The following AHI1 variants were observed in gnomAD, a reference collection of about 807,000 sequenced individuals.
AHI1 encodes the protein Abelson helper integration site 1, also known as jouberin.
A neutral mutation model predicts 149.3 loss-of-function variants in AHI1; 123 were observed. That is an observed-to-expected ratio of 0.82 (90% CI 0.71 to 0.96). The LOEUF (loss-of-function observed/expected upper bound fraction) is 0.96, where lower values mean the gene tolerates loss of function less well. AHI1 is among the 40% of genes least tolerant of loss of function. The pLI is 0.00. For synonymous variants in AHI1, 475 were observed against 459.8 expected (o/e 1.03, Z -0.42); for missense variants, 1,439 against 1,422.7 (o/e 1.01, Z -0.18).
chr6:135,487,891 T>C (rs2128130945), intron 5 of AHI1, among the ~76,000 whole-genome samples: 1 of 152,236 alleles, frequency 6.6e-6, no homozygotes, highest in Non-Finnish European at 1.5e-5. Context: ...ACATCTTTAA[T>C]AAATCTTAAA....
chr6:135,476,670 T>C (rs12206850), intron 5 of AHI1, among the ~76,000 whole-genome samples: 41,228 of 152,028 alleles, frequency 0.27, 6,734 homozygotes, highest in South Asian at 0.42. Flanking sequence ...ATGAGTTTCA[T>C]ACACAGTCAG....
chr6:135,354,931 T>C (rs754958617), intron 24 of AHI1, among the ~76,000 whole-genome samples: 11 of 152,114 alleles, frequency 7.2e-5, no homozygotes, highest in Non-Finnish European at 1.3e-4. Context: ...GCAGGCCACA[T>C]AGGTTCCTTA....
chr6:135,318,535 G>T lies in AHI1; in HGVS notation c.3410C>A (p.Ser1137Tyr). The T allele has an allele frequency of 6.3e-7, 1 of 1,591,998 alleles. No homozygotes were observed. The highest frequency in any genetic ancestry group is 1.1e-5 in the South Asian group (1 of 87,158). Residue 1137 changes from serine (S) to tyrosine (Y), a missense_variant, in exon 26 of 29, where the codon TCT becomes TAT. Physicochemically the swap from Ser to Tyr is moderately radical, Grantham distance 144. Coordinates refer to ENST00000265602, the MANE Select transcript of AHI1 (RefSeq NM_001134831.2). ...SPEEKTKIEK[S>Y]PAPQKQSINK... ...AACATTTACCTTTTGAGGAGCTGGA[G>T]ATTTTTCTATTTTAGTTTTTTCCTC...
intron 8 of AHI1, among the ~76,000 whole-genome samples, chr6:135,460,215 A>G (rs1018634921): frequency 6.6e-6 from 1 of 152,168 alleles, no homozygotes; most frequent in Non-Finnish European, 1.5e-5. Context: ...TCTTGCAATA[A>G]GTGAATTTAG....
At chr6:135,457,806 C>A in intron 8 of AHI1, 93 bp from the exon 9 acceptor site, 1 of 1,219,924 alleles carries the variant, frequency 8.2e-7, no homozygotes, top group Non-Finnish European at 1.2e-6. Context: ...GTGATGATCT[C>A]ACTGTGTTCA....
At chr6:135,450,154 C>T (rs1252280369) in intron 11 of AHI1, among the ~76,000 whole-genome samples, 1 of 151,936 alleles carries the variant, frequency 6.6e-6, no homozygotes, top group Non-Finnish European at 1.5e-5. Flanking sequence ...GGTAGAAGAC[C>T]ATGAAGGAAA....
At chr6:135,390,021 T>C (rs1025368598) in intron 23 of AHI1, among the ~76,000 whole-genome samples, 20 of 149,308 alleles carry the variant, frequency 1.3e-4, no homozygotes, top group African/African-American at 4.5e-4. Flanking sequence ...GTTTTTTTTA[T>C]TTTATTTTTT....
intron 5 of AHI1, among the ~76,000 whole-genome samples, chr6:135,479,758 G>A (rs1217543775): frequency 1.3e-5 from 2 of 152,140 alleles, no homozygotes; most frequent in Non-Finnish European, 2.9e-5. Context: ...GGGGCCAGGG[G>A]TGGAATGATA....
chr6:135,361,882 T>C (rs1031085036), intron 23 of AHI1, among the ~76,000 whole-genome samples: 4 of 152,224 alleles, frequency 2.6e-5, no homozygotes, highest in African/African-American at 7.2e-5. Context: ...GAACAAGTGG[T>C]GTTTGGTTAC....
At chr6:135,490,395 C>A (rs1416340741) in intron 5 of AHI1, 1 of 650,170 alleles carries the variant, frequency 1.5e-6, no homozygotes, top group East Asian at 2.7e-5. Context: ...TCATTTTCCC[C>A]ACTGTGTGTG....
chr6:135,445,908 TA>T (rs1271730555), intron 13 of AHI1, among the ~76,000 whole-genome samples: 1 of 151,876 alleles, frequency 6.6e-6, no homozygotes, highest in African/African-American at 2.4e-5. Context: ...TACAAAAAAT[TA>T]GCCAGGCGTG....
rs141249587 is a variant in AHI1, at chr6:135,409,810, T to C, written c.2961+1538A>G. ...ATCTTTTCATTAATTGGTCTGGTAA[T>C]AGATACTTTCATTTTATAGATTTTG... On this transcript the variant is annotated intron_variant, in intron 21 of 28. Transcript: ENST00000265602. 1.1e-4 allele frequency among the ~76,000 whole-genome samples: 17 copies of C among 152,330 alleles called. No individual in the cohort carries two copies. The East Asian group carries it at 3.3e-3, about 29-fold the overall frequency.
At chr6:135,453,642 T>C (rs1788478380) in intron 10 of AHI1, among the ~76,000 whole-genome samples, 1 of 152,188 alleles carries the variant, frequency 6.6e-6, no homozygotes, top group Non-Finnish European at 1.5e-5. Context: ...TTATCTTTCA[T>C]TAATAAATAC....
chr6:135,496,121 AT>A (rs1047554770), intron 2 of AHI1, among the ~76,000 whole-genome samples: 58 of 146,990 alleles, frequency 3.9e-4, no homozygotes, highest in Admixed American at 4.1e-4. Flanking sequence ...ATCATCTCTA[AT>A]TTTTTTTTTT....
intron 3 of AHI1, chr6:135,495,217 T>C (rs1240734112): frequency 6.6e-6 from 1 of 152,180 alleles, no homozygotes; most frequent in African/African-American, 2.4e-5. Context: ...GCAACTAGTG[T>C]AATTTTCTAA....
At chr6:135,371,651 A>G (rs1775080563) in intron 23 of AHI1, among the ~76,000 whole-genome samples, 1 of 152,196 alleles carries the variant, frequency 6.6e-6, no homozygotes, top group Non-Finnish European at 1.5e-5. Context: ...CTTCTATGTG[A>G]ACATCCTTTC....
intron 23 of AHI1, among the ~76,000 whole-genome samples, chr6:135,385,249 A>C (rs1777419999): frequency 6.6e-6 from 1 of 152,084 alleles, no homozygotes; most frequent in African/African-American, 2.4e-5. Context: ...CTGGCATATG[A>C]GTTAAAGTCA....
rs144924506 is a variant in AHI1 at position 135,424,719 on chromosome 6, G to T, written c.2764+2448C>A. On this transcript the variant is annotated intron_variant, in intron 20 of 28. Transcript: ENST00000265602. Reference sequence around the variant, plus strand: ...ACAGATTTTGCTAGAACTGAAAGATGGATGATACATTTAGTTACCACTGTG... The same window carrying T: ...ACAGATTTTGCTAGAACTGAAAGATTGATGATACATTTAGTTACCACTGTG... Among the ~76,000 whole-genome samples the T allele has an allele frequency of 1.1e-3, 161 of 151,984 alleles. 2 individuals carry two copies. Among genetic ancestry groups the T allele is most frequent in the African/African-American group, 3.4e-3 (143 of 41,520 alleles).
chr6:135,380,742 C>G (rs1246677378), intron 23 of AHI1, among the ~76,000 whole-genome samples: 10 of 122,186 alleles, frequency 8.2e-5, no homozygotes, highest in Non-Finnish European at 1.3e-4. Flanking sequence ...CCCCCCCCCC[C>G]CCAAAAAAAA....
Sources: gnomAD v4.1 joint callset for allele counts (sites outside exome capture counted in the v4.1 genomes callset) on GRCh38, gnomAD v4.1.1 for gene constraint, MANE v1.5 for transcripts, NCBI Gene and HGNC (gene_info 2026-07-23, HGNC 2026-07-21) for gene names.